Variants in CYP2J2 observed in about 807,000 individuals in gnomAD.
The protein encoded by CYP2J2 is cytochrome P450 2J2.
In CYP2J2, 41 loss-of-function variants were observed where a neutral mutation model predicts 48.8. That is an observed-to-expected ratio of 0.84 (90% CI 0.66 to 1.09). CYP2J2 has a LOEUF of 1.09. CYP2J2 is among the 50% of genes least tolerant of loss of function. The pLI, the probability that CYP2J2 is intolerant of heterozygous loss-of-function variation, is 0.00. For synonymous variants in CYP2J2, 221 were observed against 227.1 expected, an observed-to-expected ratio of 0.97 and a Z score of 0.24; for missense variants, 644 against 617.3, an observed-to-expected ratio of 1.04 and a Z score of -0.46.
chr1:59,954,159 G>C, the CYP2J2 span, among the ~76,000 whole-genome samples: 1 of 152,120 alleles, frequency 6.6e-6, no homozygotes, highest in Non-Finnish European at 1.5e-5. Context: ...CCATCAGCCT[G>C]GGTCTCTGGG....
At chr1:59,926,501 G>A in intron 1 of CYP2J2, 36 bp downstream of exon 1, 1 of 1,564,612 alleles carries the variant, frequency 6.4e-7, no homozygotes, top group Non-Finnish European at 8.8e-7. Context: ...ACAGAGTTAG[G>A]GTCAGGACAC....
chr1:59,906,111 A>G lies in CYP2J2; in HGVS notation c.1004-1053T>C, dbSNP rs557633441. Among the ~76,000 whole-genome samples, 602 of 152,296 alleles carry G rather than the reference A, an allele frequency of 4.0e-3. 3 individuals are homozygous for G. Among genetic ancestry groups the G allele is most frequent in the African/African-American group, 0.014 (574 of 41,570 alleles). On this transcript the variant is annotated intron_variant, in intron 6 of 8. Coordinates refer to ENST00000371204, the MANE Select transcript of CYP2J2 (RefSeq NM_000775.4). ...TGAGGCAGGAGAATGGCATGAACCCAGGAGGCAGAGCTTGCAGTGAGCCGA... is the reference window on the plus strand; with the variant it reads ...TGAGGCAGGAGAATGGCATGAACCCGGGAGGCAGAGCTTGCAGTGAGCCGA...
the CYP2J2 span, among the ~76,000 whole-genome samples, chr1:59,957,426 TC>T: frequency 2.0e-5 from 3 of 152,086 alleles, no homozygotes; most frequent in Non-Finnish European, 1.5e-5. Flanking sequence ...TCTTCTTTAT[TC>T]CAGCAAAGAA....
intron 4 of CYP2J2, among the ~76,000 whole-genome samples, chr1:59,910,582 T>C (rs980507993): frequency 4.6e-5 from 7 of 152,120 alleles, no homozygotes; most frequent in African/African-American, 1.7e-4. Context: ...TGGCATACTG[T>C]GTAATTCAAG....
chr1:59,909,763 A>T (rs947253433), intron 5 of CYP2J2, 21 bp downstream of exon 5: 3 of 1,555,194 alleles, frequency 1.9e-6, no homozygotes, highest in Admixed American at 2.2e-5. Context: ...ACAAAATACA[A>T]AATGACTTTG....
At chr1:59,903,817 A>C (rs1244121562) in intron 7 of CYP2J2, among the ~76,000 whole-genome samples, 2 of 152,230 alleles carry the variant, frequency 1.3e-5, no homozygotes, top group Non-Finnish European at 2.9e-5. Context: ...GAAACAGAAC[A>C]GATCTGCTTC....
chr1:59,919,627 T>C (rs2102135328), intron 1 of CYP2J2, among the ~76,000 whole-genome samples: 1 of 152,348 alleles, frequency 6.6e-6, no homozygotes, highest in Middle Eastern at 3.4e-3. Context: ...TTTAAAACAG[T>C]GGTTCTTTAC....
chr1:59,948,137 T>G, the CYP2J2 span, among the ~76,000 whole-genome samples: 1 of 152,176 alleles, frequency 6.6e-6, no homozygotes. Flanking sequence ...TGCTTTAACA[T>G]AGTCTTAATT....
intron 6 of CYP2J2, among the ~76,000 whole-genome samples, chr1:59,906,425 A>G (rs903539085): frequency 1.1e-4 from 16 of 151,638 alleles, no homozygotes; most frequent in African/African-American, 3.9e-4. Flanking sequence ...TGGGAACCCT[A>G]ATGGCTTTGC....
the CYP2J2 span, among the ~76,000 whole-genome samples, chr1:59,938,590 C>T: frequency 2.6e-5 from 4 of 152,204 alleles, no homozygotes; most frequent in African/African-American, 4.8e-5. Flanking sequence ...GGTTTTTCTC[C>T]TATCTCAGAA....
chr1:59,962,643 T>C, the CYP2J2 span, among the ~76,000 whole-genome samples: 8 of 152,300 alleles, frequency 5.3e-5, no homozygotes, highest in African/African-American at 9.6e-5. Context: ...GTGAACAACA[T>C]TGACATAGTC....
chr1:59,910,140 A>T (rs11572272), intron 4 of CYP2J2, among the ~76,000 whole-genome samples, 180 bp from the exon 5 acceptor site: 1,709 of 152,240 alleles, frequency 0.011, 25 homozygotes, highest in African/African-American at 0.039. Flanking sequence ...CTCTGTCAAA[A>T]ATATATCCAG....
chr1:59,956,266 G>A, the CYP2J2 span, among the ~76,000 whole-genome samples: 1 of 152,052 alleles, frequency 6.6e-6, no homozygotes, highest in South Asian at 2.1e-4. Context: ...CAAATAAAAA[G>A]TAAAGAGAAA....
the CYP2J2 span, among the ~76,000 whole-genome samples, chr1:59,945,808 G>A: frequency 6.6e-6 from 1 of 152,266 alleles, no homozygotes; most frequent in South Asian, 2.1e-4. Context: ...GGCTTCTCAG[G>A]CTAAGAAGTT....
intron 2 of CYP2J2, among the ~76,000 whole-genome samples, chr1:59,915,440 T>C (rs918698498): frequency 1.3e-5 from 2 of 152,226 alleles, no homozygotes; most frequent in African/African-American, 4.8e-5. Context: ...TTCATTATAT[T>C]TAATGGTAAT....
chr1:59,904,866 A>G lies in CYP2J2; in HGVS notation c.1191+5T>C. ...AAAGATGGGCTTGAAGATCTGCTTA[A>G]TTACCTTGGGCAGGTGGTACCCAGC... is the stretch of plus-strand genomic sequence containing the variant. On this transcript the variant is annotated splice_donor_5th_base_variant and intron_variant, in intron 7 of 8. Transcript: ENST00000371204. 6.2e-7 allele frequency: 1 copy of G among 1,611,494 alleles called. No homozygotes were observed. Among genetic ancestry groups the G allele is most frequent in the East Asian group, 2.2e-5 (1 of 44,794 alleles).
At chr1:59,953,163 G>T in the CYP2J2 span, among the ~76,000 whole-genome samples, 1 of 152,118 alleles carries the variant, frequency 6.6e-6, no homozygotes, top group Non-Finnish European at 1.5e-5. Context: ...ACAACGGGTG[G>T]CTGCCCTTTG....
At chr1:59,903,599 T>C (rs2102112085) in intron 7 of CYP2J2, among the ~76,000 whole-genome samples, 1 of 152,284 alleles carries the variant, frequency 6.6e-6, no homozygotes, top group East Asian at 1.9e-4. Flanking sequence ...GGTTCAATCA[T>C]ACTCCAAACT....
At chr1:59,946,692 T>C in the CYP2J2 span, among the ~76,000 whole-genome samples, 1 of 152,094 alleles carries the variant, frequency 6.6e-6, no homozygotes, top group Non-Finnish European at 1.5e-5. Context: ...GAAAGAGACA[T>C]TAAGGAATGT....
Sources: gnomAD v4.1 joint callset for allele counts (sites outside exome capture counted in the v4.1 genomes callset) on GRCh38, gnomAD v4.1.1 for gene constraint, MANE v1.5 for transcripts, NCBI Gene and HGNC (gene_info 2026-07-23, HGNC 2026-07-21) for gene names.